Variants in LRRTM4 observed in about 807,000 individuals in gnomAD.
LRRTM4 encodes leucine rich repeat transmembrane neuronal 4.
A neutral mutation model predicts 47.6 loss-of-function variants in LRRTM4; 25 were observed. The ratio of observed to expected loss-of-function variants is 0.53; its 90% CI spans 0.38 to 0.73. The LOEUF (loss-of-function observed/expected upper bound fraction) is 0.73. Ranked by LOEUF, LRRTM4 falls within the 30% of genes least tolerant of loss-of-function variation. The pLI, the probability that LRRTM4 is intolerant of heterozygous loss-of-function variation, is 0.00. For missense variants in LRRTM4, 638 were observed against 713.4 expected (o/e 0.89, Z 1.20); for synonymous variants, 311 against 269.5 (o/e 1.15, Z -1.51).
chr2:77,056,576 GAA>G (rs1262673489), intron 3 of LRRTM4, among the ~76,000 whole-genome samples: 3 of 152,048 alleles, frequency 2.0e-5, no homozygotes, highest in Non-Finnish European at 4.4e-5. Flanking sequence ...TAAAATATAT[GAA>G]AAGACTGTCA....
chr2:77,036,030 C>T (rs1678824560), intron 3 of LRRTM4, among the ~76,000 whole-genome samples: 2 of 151,736 alleles, frequency 1.3e-5, no homozygotes, highest in Non-Finnish European at 2.9e-5. Context: ...ACATATTATT[C>T]CCACAGTGAT....
intron 3 of LRRTM4, among the ~76,000 whole-genome samples, chr2:76,970,426 T>C (rs550411643): frequency 6.6e-6 from 1 of 152,162 alleles, no homozygotes; most frequent in African/African-American, 2.4e-5. Flanking sequence ...GTTTCTTTCC[T>C]ATTAAAGTGA....
chr2:76,946,069 A>G (rs924315679), intron 3 of LRRTM4, among the ~76,000 whole-genome samples: 27 of 152,044 alleles, frequency 1.8e-4, no homozygotes, highest in African/African-American at 6.5e-4. Context: ...ACATAGGCAC[A>G]TTATATCTTG....
intron 3 of LRRTM4, among the ~76,000 whole-genome samples, chr2:76,868,668 T>C (rs1672533253): frequency 6.6e-6 from 1 of 152,174 alleles, no homozygotes; most frequent in African/African-American, 2.4e-5. Flanking sequence ...TTGCTAAGAA[T>C]GTAATAAAAA....
At chr2:77,197,793 C>G (rs1302363901) in intron 3 of LRRTM4, among the ~76,000 whole-genome samples, 1 of 152,164 alleles carries the variant, frequency 6.6e-6, no homozygotes, top group Non-Finnish European at 1.5e-5. Flanking sequence ...CATTATGATA[C>G]AGAGTGACAG....
At chr2:77,118,984 C>G (rs1056262456) in intron 3 of LRRTM4, among the ~76,000 whole-genome samples, 2 of 151,790 alleles carry the variant, frequency 1.3e-5, no homozygotes, top group African/African-American at 4.8e-5. Flanking sequence ...TTACTCTATG[C>G]AGAACACACC....
At chr2:77,512,648 A>G (rs948698998) in intron 3 of LRRTM4, among the ~76,000 whole-genome samples, 1 of 152,118 alleles carries the variant, frequency 6.6e-6, no homozygotes, top group African/African-American at 2.4e-5. Flanking sequence ...CCCAGTGAAA[A>G]TATTACTGAG....
At chr2:77,420,634 A>G (rs1674838422) in intron 3 of LRRTM4, among the ~76,000 whole-genome samples, 1 of 151,100 alleles carries the variant, frequency 6.6e-6, no homozygotes, top group Non-Finnish European at 1.5e-5. Flanking sequence ...ATATATATAT[A>G]TATATATTTC....
chr2:77,042,495 T>C (rs73940244), intron 3 of LRRTM4, among the ~76,000 whole-genome samples: 7,830 of 151,714 alleles, frequency 0.052, 610 homozygotes, highest in African/African-American at 0.17. Flanking sequence ...CTACTTAATA[T>C]TGAATATTAT....
At chr2:77,128,246 GA>G (rs919102121) in intron 3 of LRRTM4, among the ~76,000 whole-genome samples, 1 of 152,048 alleles carries the variant, frequency 6.6e-6, no homozygotes, top group Non-Finnish European at 1.5e-5. Context: ...TGACGTAAGG[GA>G]AAAAAATGGA....
intron 3 of LRRTM4, among the ~76,000 whole-genome samples, chr2:77,344,297 C>G (rs1474277248): frequency 6.6e-6 from 1 of 151,788 alleles, no homozygotes; most frequent in Non-Finnish European, 1.5e-5. Context: ...AGACTATAAA[C>G]AGCCATTACA....
chr2:76,862,636 C>A lies in LRRTM4; in HGVS notation c.1552-113720G>T, dbSNP rs76653108. 7.1e-3 allele frequency among the ~76,000 whole-genome samples: 1,074 copies of A among 152,224 alleles called. 3 individuals carry two copies. The highest frequency in any genetic ancestry group is 0.012 in the Non-Finnish European group (799 of 68,016). On this transcript the variant is annotated intron_variant, in intron 3 of 3. Transcript: ENST00000409884. ...AGGGAAAATATCTCACACACGCGTG[C>A]GCGCGCACACACACACAAACACACA... is the stretch of plus-strand genomic sequence containing the variant.
chr2:76,901,394 T>A (rs572458957), intron 3 of LRRTM4, among the ~76,000 whole-genome samples: 7 of 152,340 alleles, frequency 4.6e-5, no homozygotes, highest in African/African-American at 1.4e-4. Context: ...TTTCTTACTA[T>A]GTCTGTATAG....
At chr2:77,469,040 C>A (rs186451142) in intron 3 of LRRTM4, among the ~76,000 whole-genome samples, 13 of 152,298 alleles carry the variant, frequency 8.5e-5, no homozygotes, top group East Asian at 7.7e-4. Context: ...GCAGATGGAG[C>A]CTCAGTCAAG....
intron 3 of LRRTM4, among the ~76,000 whole-genome samples, chr2:77,313,520 C>T (rs538514030): frequency 2.0e-5 from 3 of 147,756 alleles, no homozygotes; most frequent in Non-Finnish European, 3.0e-5. Context: ...TTCCTCCCTA[C>T]GTTTTCCTGG....
chr2:76,939,194 G>T (rs1426153635), intron 3 of LRRTM4, among the ~76,000 whole-genome samples: 1 of 152,074 alleles, frequency 6.6e-6, no homozygotes, highest in African/African-American at 2.4e-5. Context: ...GATGTTTGTA[G>T]CTATAACAAG....
intron 3 of LRRTM4, among the ~76,000 whole-genome samples, chr2:77,051,323 G>T (rs1361408934): frequency 6.6e-6 from 1 of 152,080 alleles, no homozygotes; most frequent in Non-Finnish European, 1.5e-5. Flanking sequence ...AGGAGAGTGG[G>T]ATAAAAGATA....
At chr2:77,397,754 T>C (rs1336469651) in intron 3 of LRRTM4, among the ~76,000 whole-genome samples, 1 of 151,902 alleles carries the variant, frequency 6.6e-6, no homozygotes, top group Non-Finnish European at 1.5e-5. Context: ...TGTACTGTCC[T>C]CTTATCAGTA....
intron 3 of LRRTM4, among the ~76,000 whole-genome samples, chr2:77,030,614 A>C (rs922518542): frequency 6.6e-6 from 1 of 152,188 alleles, no homozygotes; most frequent in African/African-American, 2.4e-5. Flanking sequence ...CTACCCTTTA[A>C]AACAATTTTT....
Sources: gnomAD v4.1 joint callset for allele counts (sites outside exome capture counted in the v4.1 genomes callset) on GRCh38, gnomAD v4.1.1 for gene constraint, MANE v1.5 for transcripts, NCBI Gene and HGNC (gene_info 2026-07-23, HGNC 2026-07-21) for gene names.